Variants in PRUNE2 observed in about 807,000 individuals in gnomAD.
The protein encoded by PRUNE2 is prune homolog 2 with BCH domain.
PRUNE2 carries 164 observed loss-of-function variants against 252.0 expected under a neutral mutation model. The observed-to-expected ratio is 0.65, with a 90% CI of 0.57 to 0.74. PRUNE2 has a LOEUF of 0.74. Ranked by LOEUF, PRUNE2 falls within the 30% of genes least tolerant of loss-of-function variation. PRUNE2 has a pLI of 0.00. For missense variants in PRUNE2, 3,495 were observed against 3,711.0 expected, an observed-to-expected ratio of 0.94 and a Z score of 1.51; for synonymous variants, 1,292 against 1,350.2, an observed-to-expected ratio of 0.96 and a Z score of 0.94.
chr9:76,677,937 C>T (rs1217328027), intron 9 of PRUNE2, among the ~76,000 whole-genome samples: 4 of 152,180 alleles, frequency 2.6e-5, no homozygotes, highest in Non-Finnish European at 2.9e-5. Flanking sequence ...CATCCTGGGG[C>T]GAACGGGACA....
At chr9:76,783,721 G>A (rs1273954306) in intron 6 of PRUNE2, 1 of 152,114 alleles carries the variant, frequency 6.6e-6, no homozygotes, top group Non-Finnish European at 1.5e-5. Context: ...AATAAGAAAG[G>A]CTGCTGACTT....
chr9:76,768,200 C>CA (rs1554756814), intron 6 of PRUNE2, among the ~76,000 whole-genome samples: 1 of 148,744 alleles, frequency 6.7e-6, no homozygotes, highest in Admixed American at 6.7e-5. Context: ...AATGATTTTC[C>CA]TTTTTTTTTT....
In PRUNE2 at chr9:76,706,898, T is replaced by C. The variant is rs939756675; in HGVS notation, c.5376A>G (p.Thr1792=). 1 of 1,599,722 alleles carries C rather than the reference T, an allele frequency of 6.3e-7. No homozygotes were observed. Among genetic ancestry groups the C allele is most frequent in the African/African-American group, 1.3e-5 (1 of 74,258 alleles). Residue 1792 remains threonine (T), a synonymous_variant, in exon 8 of 19, where the codon ACA becomes ACG. Transcript: ENST00000376718. ...VEKEKRSSPE[T]GTTGDVAWQI... is the part of the protein sequence containing the mutation. ...GCCATGCAACATCTCCTGTTGTCCC[T>C]GTTTCTGGAGAAGATCTCTTCTCCT...
At chr9:76,869,505 C>T (rs528736874) in intron 1 of PRUNE2, among the ~76,000 whole-genome samples, 1 of 152,192 alleles carries the variant, frequency 6.6e-6, no homozygotes, top group South Asian at 2.1e-4. Flanking sequence ...AAATAGAAAA[C>T]CCTTTTAAAA....
chr9:76,730,254 T>TATACGTTACA (rs2048447990), intron 6 of PRUNE2, among the ~76,000 whole-genome samples: 1 of 152,088 alleles, frequency 6.6e-6, no homozygotes, highest in Non-Finnish European at 1.5e-5. Context: ...CAGGGTAGAG[T>TATACGTTACA]GGACAATGTC....
intron 4 of PRUNE2, among the ~76,000 whole-genome samples, chr9:76,828,023 C>T (rs1188931959): frequency 1.3e-5 from 2 of 152,218 alleles, no homozygotes; most frequent in South Asian, 2.1e-4. Context: ...TAGAGATAAC[C>T]TTGCCTCTTG....
chr9:76,800,562 T>C (rs2056480221), intron 6 of PRUNE2, among the ~76,000 whole-genome samples: 1 of 152,368 alleles, frequency 6.6e-6, no homozygotes, highest in South Asian at 2.1e-4. Flanking sequence ...TCACCTTTAA[T>C]TGTCAGCCCA....
intron 7 of PRUNE2, 70 bp from the exon 8 acceptor site, chr9:76,711,428 TTATCTC>T: frequency 1.1e-6 from 1 of 886,064 alleles, no homozygotes; most frequent in Non-Finnish European, 1.7e-6. Context: ...ACTTTGCAAT[TTATCTC>T]GCTTAATTTT....
chr9:76,749,747 T>C (rs2050449869), intron 6 of PRUNE2, among the ~76,000 whole-genome samples: 1 of 152,148 alleles, frequency 6.6e-6, no homozygotes, highest in African/African-American at 2.4e-5. Context: ...GTACCCTCAT[T>C]TGCCAAGCAG....
chr9:76,852,768 A>T (rs2060028738), intron 2 of PRUNE2, among the ~76,000 whole-genome samples: 1 of 152,176 alleles, frequency 6.6e-6, no homozygotes, highest in Non-Finnish European at 1.5e-5. Context: ...AAGAGAATCC[A>T]CATGTCTTTT....
chr9:76,652,331 A>G, intron 11 of PRUNE2, 152 bp downstream of exon 11: 1 of 640,980 alleles, frequency 1.6e-6, no homozygotes, highest in East Asian at 2.6e-5. Context: ...TCAGGCTCCA[A>G]ACTGTCAATC....
chr9:76,808,347 C>T (rs1040452083), intron 6 of PRUNE2, among the ~76,000 whole-genome samples: 2 of 152,146 alleles, frequency 1.3e-5, no homozygotes, highest in Non-Finnish European at 2.9e-5. Flanking sequence ...TTTCTGTAAC[C>T]TCATATTTCA....
At chr9:76,898,367 T>C (rs1478346345) in intron 1 of PRUNE2, among the ~76,000 whole-genome samples, 1 of 152,174 alleles carries the variant, frequency 6.6e-6, no homozygotes, top group Admixed American at 6.5e-5. Flanking sequence ...AGGTCAGCAA[T>C]CATCAAGGAT....
chr9:76,756,961 AC>A lies in PRUNE2; in HGVS notation c.757-43241del, dbSNP rs570347151. On this transcript the variant is annotated intron_variant, in intron 6 of 18. Transcript: ENST00000376718. ...ATTAATCTCCCAGAATGTCACTGTT[AC>A]CAGCTATCAATCTGCATAAATTCTA... Among the ~76,000 whole-genome samples the A allele has an allele frequency of 1.6e-4, 24 of 152,248 alleles. 1 individual carries two copies. In the South Asian group the frequency reaches 4.6e-3, roughly 29 times the overall value.
chr9:76,670,293 C>T (rs545518637), intron 9 of PRUNE2, among the ~76,000 whole-genome samples: 7 of 152,056 alleles, frequency 4.6e-5, no homozygotes, highest in East Asian at 1.9e-4. Flanking sequence ...GGGTGACGGA[C>T]GGCACCTGGA....
In PRUNE2 at chr9:76,617,185, A is replaced by G. The variant is rs537474836; in HGVS notation, c.9236+2155T>C. Among the ~76,000 whole-genome samples, 5 of 152,308 alleles carry G rather than the reference A, an allele frequency of 3.3e-5. No homozygotes were observed. The East Asian group carries it at 9.7e-4, about 29-fold the overall frequency. On this transcript the variant is annotated intron_variant, in intron 18 of 18. Transcript: ENST00000376718. Reference sequence around the variant, plus strand: ...GAGGTTCCTTACAAACTGTCAGACAATATTGTTTAATGATGAATAAAAACA... The same window carrying G: ...GAGGTTCCTTACAAACTGTCAGACAGTATTGTTTAATGATGAATAAAAACA...
intron 6 of PRUNE2, chr9:76,737,110 T>C (rs954554788): frequency 2.0e-4 from 30 of 152,232 alleles, no homozygotes; most frequent in Admixed American, 6.5e-4. Context: ...TATTCCTTCT[T>C]GATGAGATAA....
chr9:76,673,425 CAA>C (rs1193323448), intron 9 of PRUNE2, among the ~76,000 whole-genome samples: 1 of 132,338 alleles, frequency 7.6e-6, no homozygotes, highest in Admixed American at 7.8e-5. Flanking sequence ...GCTTACCAAC[CAA>C]AAAGAGTCCA....
At chr9:76,837,218 C>T (rs1019975658) in intron 4 of PRUNE2, among the ~76,000 whole-genome samples, 17 of 151,946 alleles carry the variant, frequency 1.1e-4, no homozygotes, top group African/African-American at 2.7e-4. Context: ...CCAAGGCGGG[C>T]GGATCACAAG....
Sources: allele counts gnomAD v4.1 joint callset (sites outside exome capture counted in the v4.1 genomes callset), GRCh38; gene constraint gnomAD v4.1.1; transcripts MANE v1.5; gene names NCBI Gene and HGNC (gene_info 2026-07-23, HGNC 2026-07-21).